Variants in GOLM1 observed in about 807,000 individuals in gnomAD.
The protein encoded by GOLM1 is epididymis luminal protein 46.
In GOLM1, 31 loss-of-function variants were observed where a neutral mutation model predicts 50.5. The observed-to-expected ratio is 0.61, with a 90% CI of 0.46 to 0.83. The LOEUF (loss-of-function observed/expected upper bound fraction) is 0.83, where lower values mean the gene tolerates loss of function less well. GOLM1 is among the 40% of genes least tolerant of loss of function. The pLI, the probability that GOLM1 is intolerant of heterozygous loss-of-function variation, is 0.00. For missense variants in GOLM1, 491 were observed against 501.3 expected (o/e 0.98, Z 0.20); for synonymous variants, 178 against 192.8 (o/e 0.92, Z 0.64).
At chr9:86,082,740 C>T (rs928936985) in intron 1 of GOLM1, among the ~76,000 whole-genome samples, 1 of 152,214 alleles carries the variant, frequency 6.6e-6, no homozygotes, top group African/African-American at 2.4e-5. Context: ...ACACCTGGCC[C>T]CCAGCCCTGC....
At chr9:86,036,095 A>C (rs988470277) in intron 7 of GOLM1, among the ~76,000 whole-genome samples, 2 of 152,038 alleles carry the variant, frequency 1.3e-5, no homozygotes, top group African/African-American at 4.8e-5. Context: ...CAAGCCCACC[A>C]ATGTCCTGCA....
chr9:86,035,698 A>C, intron 7 of GOLM1, 73 bp from the exon 8 acceptor site: 1 of 1,303,394 alleles, frequency 7.7e-7, no homozygotes, highest in Non-Finnish European at 1.1e-6. Context: ...AAAAAAGCAA[A>C]ACCTGGTGCC....
In GOLM1 at chr9:86,067,400, T is replaced by A. The variant is rs1035843088; in HGVS notation, c.309+10012A>T. Among the ~76,000 whole-genome samples the A allele has an allele frequency of 2.0e-5, 3 of 152,258 alleles. No individual in the cohort carries two copies. In the South Asian group the frequency reaches 6.2e-4, roughly 31 times the overall value. On this transcript the variant is annotated intron_variant, in intron 3 of 9. Coordinates refer to ENST00000388712, the MANE Select transcript of GOLM1 (RefSeq NM_016548.4). ...AGGCCCCTTAAAAACCTGTTTTATATGTACACATATATGAATCTGTAAAAA... is the reference window on the plus strand; with the variant it reads ...AGGCCCCTTAAAAACCTGTTTTATAAGTACACATATATGAATCTGTAAAAA...
chr9:86,037,738 A>T (rs185290886), intron 6 of GOLM1, among the ~76,000 whole-genome samples: 1 of 152,174 alleles, frequency 6.6e-6, no homozygotes, highest in Non-Finnish European at 1.5e-5. Context: ...CAATACAGAG[A>T]GTCCCGGCTC....
chr9:86,095,267 C>T (rs1389217323), intron 1 of GOLM1, among the ~76,000 whole-genome samples: 1 of 151,548 alleles, frequency 6.6e-6, no homozygotes, highest in Admixed American at 6.6e-5. Context: ...CTTGCTTTGT[C>T]ACCCAGGCTG....
chr9:86,085,515 A>C (rs368668607), intron 1 of GOLM1, among the ~76,000 whole-genome samples: 4 of 137,032 alleles, frequency 2.9e-5, no homozygotes, highest in Admixed American at 2.5e-4. Context: ...GCTCTGGGAT[A>C]CATGTGCAAA....
intron 9 of GOLM1, among the ~76,000 whole-genome samples, chr9:86,028,930 G>A (rs1056003794): frequency 2.7e-5 from 4 of 145,530 alleles, no homozygotes; most frequent in African/African-American, 7.7e-5. Flanking sequence ...CTCACTGCAA[G>A]CTCCACCTCC....
chr9:86,084,394 CCT>C (rs750420658), intron 1 of GOLM1, among the ~76,000 whole-genome samples: 16 of 152,146 alleles, frequency 1.1e-4, no homozygotes, highest in African/African-American at 2.9e-4. Flanking sequence ...TCACATACCC[CCT>C]GATATGGTGC....
Position 86,097,157 on chromosome 9 carries a change from T to C in GOLM1, c.-22+2254A>G, listed in dbSNP as rs371247477. 2.6e-5 allele frequency among the ~76,000 whole-genome samples: 4 copies of C among 151,950 alleles called. No homozygotes were observed. The East Asian group carries it at 5.8e-4, about 22-fold the overall frequency. The stretch of plus-strand genomic sequence containing the variant: ...GAAATTTAAGAAACACTTCATAAAT[T>C]TGGAGACAAGTCTCTCTTTTAATGT... On this transcript the variant is annotated intron_variant, in intron 1 of 9. Transcript: ENST00000388712.
intron 3 of GOLM1, among the ~76,000 whole-genome samples, chr9:86,075,984 A>C (rs1834598513): frequency 6.6e-6 from 1 of 152,232 alleles, no homozygotes; most frequent in Non-Finnish European, 1.5e-5. Context: ...TTGAATTTTA[A>C]ATCAGTTATG....
At chr9:86,055,982 A>AAAGC (rs1554784791) in intron 3 of GOLM1, among the ~76,000 whole-genome samples, 1 of 25,318 alleles carries the variant, frequency 3.9e-5, no homozygotes, top group African/African-American at 2.5e-4. Context: ...AAAAAAAACA[A>AAAGC]AAACAAACCA....
At chr9:86,079,102 C>A (rs1006890942) in intron 2 of GOLM1, 90 bp downstream of exon 2, 39 of 1,203,544 alleles carry the variant, frequency 3.2e-5, no homozygotes, top group Non-Finnish European at 4.2e-5. Flanking sequence ...CCCTGGCTGG[C>A]AATAAACAAC....
chr9:86,098,933 G>A (rs1201117243), intron 1 of GOLM1, among the ~76,000 whole-genome samples: 4 of 152,206 alleles, frequency 2.6e-5, no homozygotes, highest in Admixed American at 6.5e-5. Context: ...AGCGCGCCTG[G>A]GGCTGGAGGG....
At chr9:86,070,273 G>A (rs1027013484) in intron 3 of GOLM1, among the ~76,000 whole-genome samples, 1 of 152,054 alleles carries the variant, frequency 6.6e-6, no homozygotes, top group Non-Finnish European at 1.5e-5. Context: ...TCCACCTGCT[G>A]TTAAACATTG....
chr9:86,050,029 G>C (rs969046916), intron 4 of GOLM1, among the ~76,000 whole-genome samples: 2 of 152,146 alleles, frequency 1.3e-5, no homozygotes, highest in African/African-American at 2.4e-5. Flanking sequence ...TTATTATTTT[G>C]AGATACGTCC....
At chr9:86,039,882 C>T (rs559061695) in intron 6 of GOLM1, among the ~76,000 whole-genome samples, 28 of 151,488 alleles carry the variant, frequency 1.8e-4, no homozygotes, top group Non-Finnish European at 3.1e-4. Flanking sequence ...GCAGGAGAAT[C>T]GCTTGAACCT....
chr9:86,043,844 CTGAT>C (rs1833443117), intron 5 of GOLM1, among the ~76,000 whole-genome samples: 1 of 152,214 alleles, frequency 6.6e-6, no homozygotes, highest in African/African-American at 2.4e-5. Flanking sequence ...TGGATCCTGA[CTGAT>C]TGCCAGCTAG....
At chr9:86,090,244 C>T in intron 1 of GOLM1, among the ~76,000 whole-genome samples, 1 of 152,178 alleles carries the variant, frequency 6.6e-6, no homozygotes. Flanking sequence ...CTTGAAGAGG[C>T]AGTCTGTCCC....
intron 1 of GOLM1, among the ~76,000 whole-genome samples, chr9:86,086,042 TCAC>T (rs1834950554): frequency 6.6e-6 from 1 of 152,232 alleles, no homozygotes; most frequent in Non-Finnish European, 1.5e-5. Flanking sequence ...CCTTGAGGAA[TCAC>T]CACACTGTTT....
Sources: allele counts gnomAD v4.1 joint callset (sites outside exome capture counted in the v4.1 genomes callset), GRCh38; gene constraint gnomAD v4.1.1; transcripts MANE v1.5; gene names NCBI Gene and HGNC (gene_info 2026-07-23, HGNC 2026-07-21).